The following FILIP1L variants were observed in gnomAD, a reference collection of about 807,000 sequenced individuals.
FILIP1L encodes filamin A interacting protein 1 like, also known as filamin A-interacting protein 1-like.
In FILIP1L, 55 loss-of-function variants were observed where a neutral mutation model predicts 96.6. The ratio of observed to expected loss-of-function variants is 0.57; its 90% CI spans 0.46 to 0.71. The LOEUF is 0.71. Ranked by LOEUF, FILIP1L falls within the 30% of genes least tolerant of loss-of-function variation. FILIP1L has a pLI of 0.00. For synonymous variants in FILIP1L, 467 were observed against 473.9 expected (o/e 0.99, Z 0.19); for missense variants, 1,304 against 1,321.2 (o/e 0.99, Z 0.20).
chr3:100,084,488 C>T (rs2065977079), intron 1 of FILIP1L, among the ~76,000 whole-genome samples: 1 of 152,134 alleles, frequency 6.6e-6, no homozygotes, highest in Non-Finnish European at 1.5e-5. Flanking sequence ...TAAAGCCTTT[C>T]AGTGCTCCAA....
chr3:99,917,654 G>A (rs899900659), intron 4 of FILIP1L, among the ~76,000 whole-genome samples: 4 of 152,172 alleles, frequency 2.6e-5, no homozygotes, highest in African/African-American at 9.7e-5. Flanking sequence ...TTGATTCATG[G>A]TGGTTGTATT....
intron 4 of FILIP1L, chr3:99,897,996 C>T (rs1303424948): frequency 6.6e-6 from 1 of 152,198 alleles, no homozygotes; most frequent in Non-Finnish European, 1.5e-5. Flanking sequence ...TCTGATTCCT[C>T]ATACCAATGT....
At chr3:99,895,538 T>C (rs887126698) in intron 4 of FILIP1L, among the ~76,000 whole-genome samples, 3 of 152,232 alleles carry the variant, frequency 2.0e-5, no homozygotes, top group African/African-American at 7.2e-5. Context: ...GTTTGCTAGA[T>C]ATAGTTTAGG....
chr3:99,868,942 A>G (rs1944649654), intron 4 of FILIP1L, among the ~76,000 whole-genome samples: 1 of 152,162 alleles, frequency 6.6e-6, no homozygotes, highest in Non-Finnish European at 1.5e-5. Context: ...CGTTAAGCCA[A>G]CTGTAAGCTC....
At chr3:99,875,056 T>TAA in intron 4 of FILIP1L, among the ~76,000 whole-genome samples, 1 of 152,352 alleles carries the variant, frequency 6.6e-6, no homozygotes, top group Non-Finnish European at 1.5e-5. Flanking sequence ...ACATAGTTGT[T>TAA]AAAGTTTTAT....
At chr3:100,038,497 T>G (rs1415576096) in intron 1 of FILIP1L, among the ~76,000 whole-genome samples, 1 of 152,182 alleles carries the variant, frequency 6.6e-6, no homozygotes, top group Non-Finnish European at 1.5e-5. Flanking sequence ...CAGTTGTAGT[T>G]TCTTATTGAC....
At chr3:100,021,958 T>A (rs540661349) in intron 1 of FILIP1L, among the ~76,000 whole-genome samples, 2,607 of 94,008 alleles carry the variant, frequency 0.028, 15 homozygotes, top group East Asian at 0.032. Flanking sequence ...TGTGTGTGTG[T>A]GTGAGAGAGA....
chr3:99,896,461 T>C (rs549917085), intron 4 of FILIP1L, among the ~76,000 whole-genome samples: 2 of 152,332 alleles, frequency 1.3e-5, no homozygotes, highest in African/African-American at 4.8e-5. Flanking sequence ...TTTGGTTTTT[T>C]TCATGAATGG....
At chr3:99,944,957 T>C (rs1707964166) in intron 1 of FILIP1L, among the ~76,000 whole-genome samples, 1 of 152,214 alleles carries the variant, frequency 6.6e-6, no homozygotes, top group African/African-American at 2.4e-5. Flanking sequence ...GCTTCTTCAC[T>C]ACTGTTCATT....
intron 4 of FILIP1L, among the ~76,000 whole-genome samples, chr3:99,922,419 G>A (rs1707153436): frequency 1.3e-5 from 2 of 152,158 alleles, no homozygotes; most frequent in Non-Finnish European, 2.9e-5. Context: ...GAGCAAGTTA[G>A]TAGGACCTTT....
At chr3:100,052,286 G>T (rs575871643) in intron 1 of FILIP1L, among the ~76,000 whole-genome samples, 2 of 152,160 alleles carry the variant, frequency 1.3e-5, no homozygotes, top group Non-Finnish European at 2.9e-5. Context: ...GTCCAGAAAC[G>T]AATAAAAAAC....
At chr3:100,064,048 G>A (rs2065619411) in intron 1 of FILIP1L, among the ~76,000 whole-genome samples, 1 of 152,206 alleles carries the variant, frequency 6.6e-6, no homozygotes, top group African/African-American at 2.4e-5. Flanking sequence ...CTAGAAGCAG[G>A]TGGAAGAGTT....
chr3:99,965,110 T>C (rs1358183581), intron 1 of FILIP1L, among the ~76,000 whole-genome samples: 1 of 152,244 alleles, frequency 6.6e-6, no homozygotes, highest in Non-Finnish European at 1.5e-5. Context: ...AAAGATTACA[T>C]TGGTCCAGGA....
Position 99,968,682 on chromosome 3 carries a change from C to T in FILIP1L, c.-10-37652G>A, listed in dbSNP as rs553140491. On this transcript the variant is annotated intron_variant, in intron 1 of 5. Transcript: ENST00000477258. Reference sequence around the variant, plus strand: ...TAAGAAGCAAACAAAAGACAAGGAACCCATGAGGGAGACTGGAAAGGAAAA... The same window carrying T: ...TAAGAAGCAAACAAAAGACAAGGAATCCATGAGGGAGACTGGAAAGGAAAA... 6.6e-5 allele frequency among the ~76,000 whole-genome samples: 10 copies of T among 152,092 alleles called. No homozygotes were observed. The East Asian group carries it at 1.9e-3, about 29-fold the overall frequency.
In FILIP1L at chr3:99,830,549, T is replaced by C. The variant is rs568150282; in HGVS notation, c.3438A>G (p.Thr1146=). Residue 1146 remains threonine (T), a synonymous_variant, in exon 6 of 6, where the codon ACA becomes ACG. Coordinates refer to ENST00000477258, the MANE Select transcript of FILIP1L (RefSeq NM_001387850.1). ...IPARIPKPKS[T]GITKISTKAP... is the part of the protein sequence containing the mutation. The stretch of plus-strand genomic sequence containing the variant: ...CTTTAGTGGAAATCTTGGTGATGCC[T>C]GTAGATTTCGGTTTAGGGATCCGTG... 377 of 456,728 alleles carry C rather than the reference T, an allele frequency of 8.3e-4. No individual in the cohort carries two copies. The highest frequency in any genetic ancestry group is 6.8e-3 in the African/African-American group (341 of 50,206). The allele number at this position is 456,728 out of a possible 1,614,324, so 28.3% of individuals were successfully genotyped here.
chr3:100,101,077 G>A (rs1292724606), intron 1 of FILIP1L, among the ~76,000 whole-genome samples: 3 of 152,158 alleles, frequency 2.0e-5, no homozygotes, highest in Non-Finnish European at 2.9e-5. Flanking sequence ...GTACCTGGGG[G>A]CCTCTGGAGC....
chr3:100,057,677 C>G (rs1253126888), intron 1 of FILIP1L, among the ~76,000 whole-genome samples: 1 of 152,170 alleles, frequency 6.6e-6, no homozygotes, highest in African/African-American at 2.4e-5. Context: ...CAGTTGGTTT[C>G]ATGCAGAGAA....
intron 3 of FILIP1L, among the ~76,000 whole-genome samples, chr3:99,927,424 C>T (rs1346111126): frequency 1.3e-5 from 2 of 150,138 alleles, no homozygotes; most frequent in Non-Finnish European, 2.9e-5. Flanking sequence ...GGCTGGAGTG[C>T]AATGGCGTGA....
At chr3:100,057,462 C>T (rs1324686995) in intron 1 of FILIP1L, among the ~76,000 whole-genome samples, 2 of 152,212 alleles carry the variant, frequency 1.3e-5, no homozygotes, top group Admixed American at 6.5e-5. Flanking sequence ...AGAGTTGCTG[C>T]GGTTTCTCCA....
Sources: allele counts gnomAD v4.1 joint callset (sites outside exome capture counted in the v4.1 genomes callset), GRCh38; gene constraint gnomAD v4.1.1; transcripts MANE v1.5; gene names NCBI Gene and HGNC (gene_info 2026-07-23, HGNC 2026-07-21).